Variants in MYO1G observed in about 807,000 individuals in gnomAD.
MYO1G encodes myosin IG.
Under a neutral mutation model 115.3 loss-of-function variants are expected in MYO1G, and 65 were observed. The ratio of observed to expected loss-of-function variants is 0.56; its 90% CI spans 0.46 to 0.69. The LOEUF is 0.69. MYO1G is among the 30% of genes least tolerant of loss of function. MYO1G has a pLI of 0.00. For missense variants in MYO1G, 1,204 were observed against 1,393.5 expected (o/e 0.86, Z 2.16); for synonymous variants, 510 against 552.6 (o/e 0.92, Z 1.08).
chr7:44,972,333 G>A (rs1010662859), intron 5 of MYO1G, 108 bp from the exon 6 acceptor site: 18 of 803,962 alleles, frequency 2.2e-5, no homozygotes, highest in African/African-American at 2.2e-4. Context: ...AGTATTGAAC[G>A]AACAAACGTG....
chr7:44,974,502 A>G (rs1795012723), intron 5 of MYO1G: 1 of 153,666 alleles, frequency 6.5e-6, no homozygotes, highest in African/African-American at 2.4e-5. Context: ...CTCCTAACTC[A>G]GTGGGGAGCT....
At position 44,970,563 on chromosome 7, in the gene MYO1G, G is replaced by A. The variant is rs1794935989; in HGVS notation, c.1217+29C>T. On this transcript the variant is annotated intron_variant, in intron 9 of 21. Coordinates refer to ENST00000258787, the MANE Select transcript of MYO1G (RefSeq NM_033054.3). ...GTGGGCAAAGCTGCTGGGTGTCAGA[G>A]GTGGAGATGTGGCTGGCCAGCCACC... 8 of 1,612,742 alleles carry A rather than the reference G, an allele frequency of 5.0e-6. No individual in the cohort carries two copies. In the East Asian group the frequency reaches 1.8e-4, roughly 36 times the overall value.
At position 44,969,667 on chromosome 7, in the gene MYO1G, C is replaced by T. The variant is rs749057479; in HGVS notation, c.1503+38G>A. ...CATGGTGCCTGTGGGGCAGGTCCCA[C>T]CAGCCCACTGTGGTGGCACTGGGAC... On this transcript the variant is annotated intron_variant, in intron 11 of 21. Transcript: ENST00000258787. The surrounding 1 kb of genome is among the most constrained non-coding windows in gnomAD (Gnocchi z 5.0). 1.8e-5 allele frequency: 29 copies of T among 1,607,154 alleles called. No individual in the cohort carries two copies. Among genetic ancestry groups the T allele is most frequent in the Non-Finnish European group, 2.4e-5 (28 of 1,178,252 alleles).
chr7:44,970,253 A>G, intron 9 of MYO1G, 99 bp from the exon 10 acceptor site: 1 of 889,324 alleles, frequency 1.1e-6, no homozygotes, highest in Non-Finnish European at 1.8e-6. Flanking sequence ...ATGTTCATTG[A>G]GGGTTCTGGT....
Position 44,966,825 on chromosome 7 carries a change from A to G in MYO1G, c.1796T>C (p.Val599Ala). ...ENLASKEPFY[V>A]RCIKPNEDKV... Reference sequence around the variant, plus strand: ...GTCCTCATTGGGCTTGATGCAGCGGACGTAGAAGGGCTCCTGCAGGGACAG... The same window carrying G: ...GTCCTCATTGGGCTTGATGCAGCGGGCGTAGAAGGGCTCCTGCAGGGACAG... Residue 599 changes from valine to alanine, a missense_variant, in exon 15 of 22, where the codon GTC becomes GCC. Physicochemically the swap from Val to Ala is moderately conservative, Grantham distance 64. Transcript: ENST00000258787. The surrounding 1 kb of genome is among the most constrained non-coding windows in gnomAD (Gnocchi z 5.0). 1 of 1,608,888 alleles carries G rather than the reference A, an allele frequency of 6.2e-7. No homozygotes were observed. Among genetic ancestry groups the G allele is most frequent in the Non-Finnish European group, 8.5e-7 (1 of 1,176,784 alleles).
At position 44,975,562 on chromosome 7, in the gene MYO1G, A is replaced by G. The variant is rs759270500; in HGVS notation, c.486T>C (p.Phe162=). 1 of 1,614,064 alleles carries G rather than the reference A, an allele frequency of 6.2e-7. No homozygotes were observed. Among genetic ancestry groups the G allele is most frequent in the South Asian group, 1.1e-5 (1 of 91,086 alleles). The part of the protein sequence containing the change: ...RTNRNHNSSR[F]GKYMDINFDF... ...CAAAGTTGATGTCCATGTACTTGCC[A>G]AAGCGGCTGGAGTTGTGATTGCGGT... The change falls in exon 4 of 22, where the codon TTT becomes TTC. Residue 162 remains phenylalanine, a synonymous_variant. Transcript: ENST00000258787.
intron 7 of MYO1G, among the ~76,000 whole-genome samples, chr7:44,971,281 T>G (rs1583791551): frequency 6.8e-6 from 1 of 146,648 alleles, no homozygotes; most frequent in East Asian, 1.9e-4. Flanking sequence ...CCTCGAGGCC[T>G]CGAGTCCAAA....
In MYO1G at chr7:44,965,085, G is replaced by A. The variant is rs769604336; in HGVS notation, c.2386C>T (p.Arg796Trp). ...ATGTTCTTCACCAGCTGCCGGGCCC[G>A]CCACCTGGGAGAGGGCATGTAGTCA... The part of the protein sequence containing the change: ...DTCHALFCRW[R>W]ARQLVKNIPP... The change falls in exon 18 of 22, where the codon CGG becomes TGG. Residue 796 changes from arginine to tryptophan, a missense_variant. Physicochemically the swap from Arg to Trp is moderately radical, Grantham distance 101 (BLOSUM62 -3). Coordinates refer to ENST00000258787, the MANE Select transcript of MYO1G (RefSeq NM_033054.3). 1.1e-5 allele frequency: 17 copies of A among 1,604,606 alleles called. No individual in the cohort carries two copies. Among genetic ancestry groups the A allele is most frequent in the South Asian group, 4.4e-5 (4 of 90,766 alleles).
Position 44,963,832 on chromosome 7 carries a change from G to A in MYO1G, c.2745+217C>T. On this transcript the variant is annotated intron_variant, in intron 20 of 21. Coordinates refer to ENST00000258787, the MANE Select transcript of MYO1G (RefSeq NM_033054.3). This position sits in a 1 kb window ranked among gnomAD's most constrained non-coding sequence, Gnocchi z 4.1. ...TAGAGTGTGAGAGTGGGGGTGGGGG[G>A]TGACTGGGCTGGTGGGGATCACAGG... is the stretch of plus-strand genomic sequence containing the variant. 1.8e-6 allele frequency: 1 copy of A among 558,120 alleles called. No homozygotes were observed. Among genetic ancestry groups the A allele is most frequent in the Non-Finnish European group, 3.2e-6 (1 of 309,546 alleles). 34.6% of individuals were successfully genotyped at this position (558,120 alleles called of 1,614,324 possible). A position where few individuals can be genotyped will look rare whatever the true frequency, so the allele number is the denominator to read the frequency against.
At chr7:44,977,113 A>G (rs774980777) in intron 1 of MYO1G, 42 bp from the exon 2 acceptor site, 156 of 1,582,438 alleles carry the variant, frequency 9.9e-5, no homozygotes, top group Non-Finnish European at 1.3e-4. Flanking sequence ...ACAGGCTTAC[A>G]GGCACCCACA....
intron 6 of MYO1G, 51 bp downstream of exon 6, chr7:44,972,064 C>T (rs1182027717): frequency 2.8e-6 from 4 of 1,408,698 alleles, no homozygotes; most frequent in South Asian, 2.3e-5. Context: ...CCACCACACT[C>T]AGGCCCTGAC....
chr7:44,974,972 G>GC (rs1424550554), intron 5 of MYO1G: 1 of 653,396 alleles, frequency 1.5e-6, no homozygotes, highest in Non-Finnish European at 2.8e-6. Context: ...TTTGTTCCCT[G>GC]CAAGTCACAC....
chr7:44,970,502 C>A, intron 9 of MYO1G, 90 bp downstream of exon 9: 1 of 1,546,706 alleles, frequency 6.5e-7, no homozygotes, highest in Non-Finnish European at 8.8e-7. Flanking sequence ...CCCAACATTC[C>A]TGCTGCCCAG....
intron 9 of MYO1G, 130 bp from the exon 10 acceptor site, chr7:44,970,284 C>A: frequency 1.3e-6 from 1 of 750,256 alleles, no homozygotes; most frequent in Non-Finnish European, 2.2e-6. Context: ...TGTGTGGCTT[C>A]CCTGTGGCTT....
At position 44,970,932 on chromosome 7, in the gene MYO1G, G is replaced by T; in HGVS notation, c.974C>A (p.Ser325Tyr). 1.2e-6 allele frequency: 2 copies of T among 1,613,604 alleles called. No individual in the cohort carries two copies. The highest frequency in any genetic ancestry group is 2.2e-5 in the South Asian group (2 of 91,086). The change falls in exon 8 of 22, where the codon TCC becomes TAC. Residue 325 changes from serine to tyrosine, a missense_variant. Transcript: ENST00000258787. ...CGAGGCAACTGTGCGAGCCAGCAGG[G>T]AGCGGAGCACGAGGTCCCGGGGTGT... ...TATPRDLVLR[S>Y]LLARTVASGG...
chr7:44,970,394 T>G (rs1243999886), intron 9 of MYO1G, among the ~76,000 whole-genome samples, 198 bp downstream of exon 9: 2 of 152,154 alleles, frequency 1.3e-5, no homozygotes, highest in Non-Finnish European at 2.9e-5. Context: ...TCATGCCCCG[T>G]AATTCTGCCT....
In MYO1G at chr7:44,966,270, T is replaced by C; in HGVS notation, c.1960A>G (p.Thr654Ala). Reference protein sequence around the residue: ...YSRFLLRYKMTCEYTWPNHLL... With the variant: ...YSRFLLRYKMACEYTWPNHLL... ...TGGTTGGGCCATGTGTATTCACAGG[T>C]CATCTTGTACCTGTCACCACAGGAC... is the stretch of plus-strand genomic sequence containing the variant. The change falls in exon 16 of 22, where the codon ACC (threonine) becomes GCC (alanine). Residue 654 changes from threonine to alanine, a missense_variant. Thr to Ala is a moderately conservative substitution (Grantham distance 58). Coordinates refer to ENST00000258787, the MANE Select transcript of MYO1G (RefSeq NM_033054.3). This position sits in a 1 kb window ranked among gnomAD's most constrained non-coding sequence, Gnocchi z 5.0. 6.2e-7 allele frequency: 1 copy of C among 1,606,656 alleles called. No homozygotes were observed. The highest frequency in any genetic ancestry group is 1.1e-5 in the South Asian group (1 of 90,172).
In MYO1G at chr7:44,970,843, A is replaced by G; in HGVS notation, c.1063T>C (p.Cys355Arg). The G allele has an allele frequency of 6.2e-7, 1 of 1,613,618 alleles. No homozygotes were observed. The change falls in exon 8 of 22, where the codon TGT becomes CGT. Residue 355 changes from cysteine (C) to arginine (R), a missense_variant. Cys to Arg is a radical substitution (Grantham distance 180). Coordinates refer to ENST00000258787, the MANE Select transcript of MYO1G (RefSeq NM_033054.3). ...GCCTGCCCCCAAAGTACCTTGGCAC[A>G]GGCATCCCGGGCATAGCTGGCCTCA... ...AAEASYARDA[C>R]AKAVYQRLFE...
Position 44,972,106 on chromosome 7 carries a change from C to T in MYO1G, c.729+9G>A, listed in dbSNP as rs139239609. The T allele has an allele frequency of 4.2e-5, 68 of 1,607,124 alleles. No homozygotes were observed. The highest frequency in any genetic ancestry group is 5.4e-5 in the Non-Finnish European group (63 of 1,173,640). ...CCCAGTTTGAGCCCTTGGTGCCCCT[C>T]ACACTCACACTGTGCACAGTCATGT... On this transcript the variant is annotated intron_variant, in intron 6 of 21. Coordinates refer to ENST00000258787, the MANE Select transcript of MYO1G (RefSeq NM_033054.3).
Sources: gnomAD v4.1 joint callset for allele counts (sites outside exome capture counted in the v4.1 genomes callset) on GRCh38, gnomAD v4.1.1 for gene constraint, Gnocchi (gnomAD v3.1) non-coding constraint, MANE v1.5 for transcripts, NCBI Gene and HGNC (gene_info 2026-07-23, HGNC 2026-07-21) for gene names.